TRPM8: variants seen among roughly 807,000 people sequenced by gnomAD.
The protein encoded by TRPM8 is TRPM8 cationic channel.
Under a neutral mutation model 133.7 loss-of-function variants are expected in TRPM8, and 110 were observed. The observed-to-expected ratio is 0.82, with a 90% confidence interval of 0.70 to 0.96. The LOEUF is 0.96. Ranked by LOEUF, TRPM8 falls within the 40% of genes least tolerant of loss-of-function variation. The probability of loss-of-function intolerance (pLI) is 0.00; values close to 1 mark genes in which losing one functional copy is unlikely to be tolerated. For missense variants in TRPM8, 1,291 were observed against 1,379.5 expected, an observed-to-expected ratio of 0.94 and a Z score of 1.02; for synonymous variants, 535 against 532.3, an observed-to-expected ratio of 1.01 and a Z score of -0.07.
intron 18 of TRPM8, among the ~76,000 whole-genome samples, chr2:233,980,669 T>C (rs1346952024): frequency 1.3e-5 from 2 of 152,052 alleles, no homozygotes; most frequent in Non-Finnish European, 2.9e-5. Flanking sequence ...CCCCTGATCA[T>C]GGGGAGAAAT....
Position 233,950,101 on chromosome 2 carries a change from G to T in TRPM8, c.1095G>T (p.Thr365=), listed in dbSNP as rs200632625. 5.0e-6 allele frequency: 8 copies of T among 1,613,586 alleles called. No homozygotes were observed. Among genetic ancestry groups the T allele is most frequent in the Non-Finnish European group, 6.8e-6 (8 of 1,180,020 alleles). ...KEKLVRFLPR[T]VSRLPEEETE... The stretch of plus-strand genomic sequence containing the variant: ...AGCTGGTGCGCTTTTTACCCCGCAC[G>T]GTGTCCCGGCTGCCTGAGGAGGAGA... Residue 365 remains threonine (T), a synonymous_variant, in exon 9 of 26, where the codon ACG becomes ACT. Coordinates refer to ENST00000324695, the MANE Select transcript of TRPM8 (RefSeq NM_024080.5).
chr2:233,993,401 A>T (rs1574771949), intron 21 of TRPM8, among the ~76,000 whole-genome samples: 2 of 152,334 alleles, frequency 1.3e-5, no homozygotes, highest in South Asian at 4.1e-4. Flanking sequence ...AGCCTTATTC[A>T]TGGGCACTGG....
intron 15 of TRPM8, among the ~76,000 whole-genome samples, chr2:233,967,244 A>G (rs1279347073): frequency 1.3e-5 from 2 of 152,234 alleles, no homozygotes; most frequent in Non-Finnish European, 2.9e-5. Context: ...AGCAGTAGGG[A>G]AACTATTGTG....
chr2:234,018,582 A>T lies in TRPM8; in HGVS notation c.*1326A>T, dbSNP rs957438928. ...TATATTTAACCCTTAGTTTAAGAAG[A>T]AGTCAATATGCTTATTTAAATATTA... is the stretch of plus-strand genomic sequence containing the variant. On this transcript the variant is annotated 3_prime_UTR_variant, in exon 26 of 26. Coordinates refer to ENST00000324695, the MANE Select transcript of TRPM8 (RefSeq NM_024080.5). 1.3e-5 allele frequency: 2 copies of T among 152,004 alleles called. No homozygotes were observed. The highest frequency in any genetic ancestry group is 4.8e-5 in the African/African-American group (2 of 41,422). The allele number at this position is 152,004 out of a possible 1,614,324, so 9.4% of individuals were successfully genotyped here.
chr2:233,949,211 C>A (rs1408501380), intron 8 of TRPM8, among the ~76,000 whole-genome samples: 1 of 152,154 alleles, frequency 6.6e-6, no homozygotes, highest in Non-Finnish European at 1.5e-5. Context: ...ATCATGGCAC[C>A]ACACATCTGG....
intron 22 of TRPM8, among the ~76,000 whole-genome samples, chr2:233,997,666 C>T (rs1393506648): frequency 6.6e-6 from 1 of 152,132 alleles, no homozygotes; most frequent in East Asian, 1.9e-4. Flanking sequence ...TCTCTGGTGG[C>T]TCCCCCCTAC....
intron 20 of TRPM8, 66 bp downstream of exon 20, chr2:233,983,290 A>C: frequency 1.3e-6 from 2 of 1,599,206 alleles, no homozygotes; most frequent in Non-Finnish European, 1.7e-6. Flanking sequence ...ACCAACCCCC[A>C]GGGCTGCCCC....
chr2:233,969,808 G>T lies in TRPM8; in HGVS notation c.2138+1G>T, dbSNP rs755166159. 3 of 1,575,580 alleles carry T rather than the reference G, an allele frequency of 1.9e-6. No individual in the cohort carries two copies. The Admixed American group carries it at 5.0e-5, about 26-fold the overall frequency. On this transcript the variant is annotated splice_donor_variant, in intron 16 of 25. Transcript: ENST00000324695. LOFTEE classifies it high-confidence loss of function. ...TGGGCTGTGGCTTTGTATCATTTAG[G>T]TACAAACCAAGGCACATAATCGTGT...
intron 9 of TRPM8, among the ~76,000 whole-genome samples, chr2:233,952,788 T>C (rs1290664931): frequency 6.6e-6 from 1 of 152,040 alleles, no homozygotes; most frequent in Non-Finnish European, 1.5e-5. Context: ...TGGCCGTCTC[T>C]GGGGTCCATC....
At chr2:234,001,103 A>G (rs1271735054) in intron 22 of TRPM8, among the ~76,000 whole-genome samples, 1 of 152,172 alleles carries the variant, frequency 6.6e-6, no homozygotes, top group African/African-American at 2.4e-5. Context: ...ATGCATTCAC[A>G]TTTCTCTCTG....
chr2:233,984,563 C>A lies in TRPM8; in HGVS notation c.2762-1125C>A, dbSNP rs75633037. Among the ~76,000 whole-genome samples, 172 of 152,258 alleles carry A rather than the reference C, an allele frequency of 1.1e-3. 1 individual carries two copies. The highest frequency in any genetic ancestry group is 4.0e-3 in the African/African-American group (168 of 41,550). Reference sequence around the variant, plus strand: ...ATCCACTAGTTTTGTTGATTTTTATCTCCTAAATGTTTTTTTGAAATCTGT... The same window carrying A: ...ATCCACTAGTTTTGTTGATTTTTATATCCTAAATGTTTTTTTGAAATCTGT... On this transcript the variant is annotated intron_variant, in intron 20 of 25. Transcript: ENST00000324695.
At position 233,960,980 on chromosome 2, in the gene TRPM8, T is replaced by C. The variant is rs1691421980; in HGVS notation, c.1567T>C (p.Phe523Leu). The change falls in exon 12 of 26, where the codon TTT becomes CTT. Residue 523 changes from phenylalanine to leucine, a missense_variant. Coordinates refer to ENST00000324695, the MANE Select transcript of TRPM8 (RefSeq NM_024080.5). ...TTCCTATAATGATGCCCTCCTCACG[T>C]TTGTCTGGAAACTGGTTGCGAACTT... ...KNSYNDALLT[F>L]VWKLVANFRR... The C allele has an allele frequency of 1.9e-6, 3 of 1,614,022 alleles. No homozygotes were observed. Among genetic ancestry groups the C allele is most frequent in the African/African-American group, 1.3e-5 (1 of 74,896 alleles).
At chr2:233,917,878 G>A (rs1691333306) in intron 1 of TRPM8, among the ~76,000 whole-genome samples, 1 of 152,116 alleles carries the variant, frequency 6.6e-6, no homozygotes, top group African/African-American at 2.4e-5. Context: ...AAGAAATAAT[G>A]CATTCAAATA....
Position 233,969,741 on chromosome 2 carries a change from A to C in TRPM8, c.2072A>C (p.Lys691Thr), listed in dbSNP as rs764893515. 6 of 1,614,066 alleles carry C rather than the reference A, an allele frequency of 3.7e-6. No individual in the cohort carries two copies. The East Asian group carries it at 8.9e-5, about 24-fold the overall frequency. The stretch of plus-strand genomic sequence containing the variant: ...TATGGAGAGATTTCCCGAGACACCA[A>C]GAACTGGAAGATTATCCTGTGTCTG... ...QWYGEISRDT[K>T]NWKIILCLFI... Residue 691 changes from lysine (K) to threonine (T), a missense_variant, in exon 16 of 26, where the codon AAG (lysine) becomes ACG (threonine). Lys to Thr is a moderately conservative substitution (Grantham distance 78). Around this residue, in one of 2 missense-constraint regions of TRPM8, gnomAD observed 963 missense variants for 968.9 expected, o/e 0.99. Coordinates refer to ENST00000324695, the MANE Select transcript of TRPM8 (RefSeq NM_024080.5).
chr2:234,006,993 G>A, intron 23 of TRPM8, 41 bp downstream of exon 23: 1 of 1,480,944 alleles, frequency 6.8e-7, no homozygotes, highest in Non-Finnish European at 9.4e-7. Context: ...GGCTCCCTCT[G>A]TAGACATAAG....
At chr2:233,985,918 C>G in intron 21 of TRPM8, 53 bp downstream of exon 21, 1 of 1,533,492 alleles carries the variant, frequency 6.5e-7, no homozygotes. Context: ...AAGCCCCATG[C>G]CAGGCTGGAG....
At chr2:233,942,379 A>G (rs1029826212) in intron 5 of TRPM8, among the ~76,000 whole-genome samples, 197 bp from the exon 6 acceptor site, 3 of 152,146 alleles carry the variant, frequency 2.0e-5, no homozygotes, top group Non-Finnish European at 4.4e-5. Context: ...CGCCTGGCCA[A>G]GGATCTGTAT....
chr2:233,922,820 T>A (rs2125028190), intron 1 of TRPM8, among the ~76,000 whole-genome samples: 1 of 152,332 alleles, frequency 6.6e-6, no homozygotes, highest in African/African-American at 2.4e-5. Flanking sequence ...GCCTGGTTTT[T>A]CTCCTTTAGT....
intron 11 of TRPM8, among the ~76,000 whole-genome samples, chr2:233,957,005 C>T (rs1291211714): frequency 6.6e-6 from 1 of 152,158 alleles, no homozygotes; most frequent in Non-Finnish European, 1.5e-5. Flanking sequence ...GTTAAGGGCA[C>T]AATGGCTAAG....
Sources: gnomAD v4.1 joint callset for allele counts (sites outside exome capture counted in the v4.1 genomes callset) on GRCh38, gnomAD v4.1.1 for gene constraint, gnomAD v4.1.1 regional missense constraint, MANE v1.5 for transcripts, NCBI Gene and HGNC (gene_info 2026-07-23, HGNC 2026-07-21) for gene names.